Variants in WDR45B observed in about 807,000 individuals in gnomAD.
WDR45B encodes the protein WD repeat domain 45B.
A neutral mutation model predicts 44.6 loss-of-function variants in WDR45B; 20 were observed. That is an observed-to-expected ratio of 0.45 (90% CI 0.32 to 0.65). WDR45B has a LOEUF of 0.65. Among genes scored for constraint, WDR45B ranks in the 30% least tolerant of loss-of-function variants. The pLI is 0.05. For synonymous variants in WDR45B, 169 were observed against 164.9 expected, an observed-to-expected ratio of 1.02 and a Z score of -0.19; for missense variants, 323 against 430.2, an observed-to-expected ratio of 0.75 and a Z score of 2.20.
At chr17:82,616,685 A>G (rs759385158) in intron 8 of WDR45B, 40 bp from the exon 9 acceptor site, 1 of 1,613,790 alleles carries the variant, frequency 6.2e-7, no homozygotes, top group South Asian at 1.1e-5. Flanking sequence ...CAAAGTTTAC[A>G]GGAAAAAAAA....
At chr17:82,628,993 C>T (rs1200514953) in intron 3 of WDR45B, among the ~76,000 whole-genome samples, 1 of 152,118 alleles carries the variant, frequency 6.6e-6, no homozygotes, top group Non-Finnish European at 1.5e-5. Context: ...CAGTGAGACC[C>T]TGTCTCAAAA....
chr17:82,633,457 T>C (rs1275551153), intron 2 of WDR45B, among the ~76,000 whole-genome samples: 2 of 152,182 alleles, frequency 1.3e-5, no homozygotes, highest in Admixed American at 6.6e-5. Context: ...TCAACTTCAT[T>C]AGGCATCAGA....
In WDR45B at chr17:82,615,699, GT is replaced by G; in HGVS notation, c.*219del. On this transcript the variant is annotated 3_prime_UTR_variant, in exon 10 of 10. Coordinates refer to ENST00000392325, the MANE Select transcript of WDR45B (RefSeq NM_019613.4). ...CAGCCAGTGGCCGCCAGTCGAGCTGGTCACAGCCACTGAGTTACCTACGGTG... is the reference window on the plus strand; with the variant it reads ...CAGCCAGTGGCCGCCAGTCGAGCTGGCACAGCCACTGAGTTACCTACGGTG... 2 of 576,334 alleles carry G rather than the reference GT, an allele frequency of 3.5e-6. No individual in the cohort carries two copies. Among genetic ancestry groups the G allele is most frequent in the South Asian group, 3.9e-5 (2 of 51,216 alleles). The allele number at this position is 576,334 out of a possible 1,614,324, so 35.7% of individuals were successfully genotyped here.
Position 82,617,315 on chromosome 17 carries a change from T to C in WDR45B, c.787A>G (p.Lys263Glu). The C allele has an allele frequency of 3.7e-6, 6 of 1,613,574 alleles. No individual in the cohort carries two copies. Among genetic ancestry groups the C allele is most frequent in the Non-Finnish European group, 5.1e-6 (6 of 1,180,008 alleles). The change falls in exon 8 of 10, where the codon AAA becomes GAA. Residue 263 changes from lysine to glutamate, a missense_variant. By Grantham distance (56) the Lys-to-Glu change is moderately conservative (BLOSUM62 1). Coordinates refer to ENST00000392325, the MANE Select transcript of WDR45B (RefSeq NM_019613.4). ...ACCTACCTGGACTGTTTATTCCTTT[T>C]TGGATCTTCAGCTGCAAAAATATGC... ...TVHIFAAEDP[K>E]RNKQSSLASA...
At chr17:82,632,538 A>C (rs543037716) in intron 2 of WDR45B, among the ~76,000 whole-genome samples, 14 of 152,268 alleles carry the variant, frequency 9.2e-5, no homozygotes, top group African/African-American at 3.4e-4. Flanking sequence ...CCATGACAAA[A>C]GGATGACCAA....
intron 1 of WDR45B, among the ~76,000 whole-genome samples, chr17:82,647,606 C>T (rs2045995815): frequency 6.6e-6 from 1 of 152,130 alleles, no homozygotes; most frequent in Admixed American, 6.5e-5. Flanking sequence ...AAAGGCCTCC[C>T]TTAAGTCCTT....
chr17:82,644,898 C>T (rs1163619877), intron 1 of WDR45B, among the ~76,000 whole-genome samples: 3 of 152,234 alleles, frequency 2.0e-5, no homozygotes, highest in African/African-American at 4.8e-5. Context: ...CAGCAGCTCA[C>T]GCCTGCAATC....
intron 1 of WDR45B, 136 bp from the exon 2 acceptor site, chr17:82,644,159 A>G (rs1413763088): frequency 1.3e-6 from 1 of 779,610 alleles, no homozygotes; most frequent in Non-Finnish European, 2.2e-6. Flanking sequence ...CTAAGTCACA[A>G]CTCCTGTCCT....
chr17:82,639,170 C>T (rs1348815921), intron 2 of WDR45B, among the ~76,000 whole-genome samples: 1 of 152,012 alleles, frequency 6.6e-6, no homozygotes, highest in African/African-American at 2.4e-5. Flanking sequence ...ATAACACCAT[C>T]TATGCTATTC....
chr17:82,639,840 G>A (rs925077536), intron 2 of WDR45B, among the ~76,000 whole-genome samples: 2 of 143,784 alleles, frequency 1.4e-5, no homozygotes, highest in African/African-American at 5.2e-5. Context: ...GGGCTGCCGG[G>A]CTGTGTGTCG....
chr17:82,634,392 G>A (rs2045808034), intron 2 of WDR45B, among the ~76,000 whole-genome samples: 1 of 151,944 alleles, frequency 6.6e-6, no homozygotes, highest in Non-Finnish European at 1.5e-5. Context: ...GGAGGCTGAG[G>A]CAGGAGAACT....
chr17:82,629,053 G>A (rs747836225), intron 3 of WDR45B, among the ~76,000 whole-genome samples: 3 of 152,100 alleles, frequency 2.0e-5, no homozygotes, highest in Non-Finnish European at 4.4e-5. Flanking sequence ...ACCTTTAAAC[G>A]CTACAAAAAG....
chr17:82,643,432 C>A (rs938674007), intron 2 of WDR45B, among the ~76,000 whole-genome samples: 1 of 150,284 alleles, frequency 6.7e-6, no homozygotes, highest in Non-Finnish European at 1.5e-5. Context: ...GATCCCGTCT[C>A]GGAAGAAGGA....
In WDR45B at chr17:82,621,674, C is replaced by T. The variant is rs759906653; in HGVS notation, c.553G>A (p.Glu185Lys). 4 of 1,614,190 alleles carry T rather than the reference C, an allele frequency of 2.5e-6. No individual in the cohort carries two copies. The highest frequency in any genetic ancestry group is 3.4e-6 in the Non-Finnish European group (4 of 1,180,034). Residue 185 changes from glutamate (E) to lysine (K), a missense_variant, in exon 6 of 10, where the codon GAG becomes AAG. Glu to Lys is a moderately conservative substitution (Grantham distance 56). Transcript: ENST00000392325. ...EKPPVDIPAH[E>K]GVLSCIALNL... ...AGTGCAATGCAGCTCAGGACACCCT[C>T]GTGTGCAGGAATGTCCACGGGTGGC...
chr17:82,639,452 AC>A, intron 2 of WDR45B, among the ~76,000 whole-genome samples: 1 of 152,090 alleles, frequency 6.6e-6, no homozygotes, highest in East Asian at 1.9e-4. Flanking sequence ...TTAACCTTCT[AC>A]CACCAGGTTA....
At chr17:82,635,980 G>A (rs954263965) in intron 2 of WDR45B, among the ~76,000 whole-genome samples, 8 of 152,046 alleles carry the variant, frequency 5.3e-5, no homozygotes, top group East Asian at 1.9e-4. Flanking sequence ...CCAGCTACTC[G>A]AGAAGTTGGG....
intron 6 of WDR45B, among the ~76,000 whole-genome samples, chr17:82,620,791 T>C (rs903584249): frequency 6.6e-6 from 1 of 152,220 alleles, no homozygotes; most frequent in African/African-American, 2.4e-5. Context: ...AGATTTAAAA[T>C]TATTTTAAAA....
At chr17:82,633,085 C>A (rs2045788844) in intron 2 of WDR45B, among the ~76,000 whole-genome samples, 1 of 150,940 alleles carries the variant, frequency 6.6e-6, no homozygotes, top group Admixed American at 6.6e-5. Flanking sequence ...ATCGCTTGAG[C>A]CCGGGAGGCA....
chr17:82,616,103 T>C (rs1598255651), intron 9 of WDR45B, 78 bp from the exon 10 acceptor site: 1 of 1,329,980 alleles, frequency 7.5e-7, no homozygotes, highest in Non-Finnish European at 1.1e-6. Flanking sequence ...TGAGCTGAAC[T>C]GCAAAGGGCC....
Sources: allele counts gnomAD v4.1 joint callset (sites outside exome capture counted in the v4.1 genomes callset), GRCh38; gene constraint gnomAD v4.1.1; transcripts MANE v1.5; gene names NCBI Gene and HGNC (gene_info 2026-07-23, HGNC 2026-07-21).